Variants in RASGRF2 observed in about 807,000 individuals in gnomAD.
RASGRF2 encodes the protein Ras protein specific guanine nucleotide releasing factor 2.
In RASGRF2, 76 loss-of-function variants were observed where a neutral mutation model predicts 151.0. The ratio of observed to expected loss-of-function variants is 0.50; its 90% CI spans 0.42 to 0.61. The LOEUF (loss-of-function observed/expected upper bound fraction) is 0.61. Among genes scored for constraint, RASGRF2 ranks in the 20% least tolerant of loss-of-function variants. The probability of loss-of-function intolerance (pLI) is 0.00; values close to 1 mark genes in which losing one functional copy is unlikely to be tolerated. For missense variants in RASGRF2, 1,148 were observed against 1,564.6 expected, an observed-to-expected ratio of 0.73 and a Z score of 4.49; for synonymous variants, 504 against 566.5, an observed-to-expected ratio of 0.89 and a Z score of 1.57.
chr5:81,071,706 T>TTA (rs961789665), intron 4 of RASGRF2, among the ~76,000 whole-genome samples: 1 of 151,942 alleles, frequency 6.6e-6, no homozygotes, highest in Non-Finnish European at 1.5e-5. Flanking sequence ...TTAGTTTTTT[T>TTA]AAAAAAAATC....
At position 81,217,371 on chromosome 5, in the gene RASGRF2, A is replaced by C; in HGVS notation, c.3450A>C (p.Ala1150=). The change falls in exon 25 of 27, where the codon GCA becomes GCC. Residue 1150 remains alanine (A), a synonymous_variant. Coordinates refer to ENST00000265080, the MANE Select transcript of RASGRF2 (RefSeq NM_006909.3). ...GGTCTTGCAGTTGTAACCCTCCTGC[A>C]GTTCCTTATCTTGGGATGTACTTGA... ...RETLKNCNPP[A]VPYLGMYLTD... 3 of 1,611,200 alleles carry C rather than the reference A, an allele frequency of 1.9e-6. No individual in the cohort carries two copies. Among genetic ancestry groups the C allele is most frequent in the Non-Finnish European group, 2.5e-6 (3 of 1,179,176 alleles).
At chr5:81,043,329 C>T (rs1561574213) in intron 2 of RASGRF2, among the ~76,000 whole-genome samples, 2 of 152,138 alleles carry the variant, frequency 1.3e-5, no homozygotes, top group African/African-American at 4.8e-5. Flanking sequence ...TATAATTCCC[C>T]CTGTCTGCAG....
chr5:81,045,245 A>G (rs906454588), intron 2 of RASGRF2, among the ~76,000 whole-genome samples: 1 of 152,212 alleles, frequency 6.6e-6, no homozygotes, highest in Non-Finnish European at 1.5e-5. Flanking sequence ...GTTAAAATAC[A>G]TAATTTAAAA....
intron 17 of RASGRF2, among the ~76,000 whole-genome samples, chr5:81,130,789 C>A (rs1013885102): frequency 2.0e-5 from 3 of 152,038 alleles, no homozygotes; most frequent in African/African-American, 7.2e-5. Context: ...CAAATAAACA[C>A]CCCATGCTTT....
intron 1 of RASGRF2, among the ~76,000 whole-genome samples, chr5:81,034,635 T>TC: frequency 6.6e-6 from 1 of 151,722 alleles, no homozygotes; most frequent in South Asian, 2.1e-4. Context: ...AATGATGAGT[T>TC]CATGTCCTTT....
At position 81,113,843 on chromosome 5, in the gene RASGRF2, G is replaced by A; in HGVS notation, c.2393G>A (p.Ser798Asn). Reference protein sequence around the residue: ...LSRGLSSPEQSPGTVEENVDN... With the variant: ...LSRGLSSPEQNPGTVEENVDN... ...AGAGGCCTCTCTTCTCCAGAGCAAAGCCCGGGAACGGTAGAAGAGAATGTC... is the reference window on the plus strand; with the variant it reads ...AGAGGCCTCTCTTCTCCAGAGCAAAACCCGGGAACGGTAGAAGAGAATGTC... The change falls in exon 15 of 27, where the codon AGC becomes AAC. Residue 798 changes from serine to asparagine, a missense_variant. Coordinates refer to ENST00000265080, the MANE Select transcript of RASGRF2 (RefSeq NM_006909.3). The A allele has an allele frequency of 6.2e-7, 1 of 1,614,234 alleles. No homozygotes were observed. Among genetic ancestry groups the A allele is most frequent in the Non-Finnish European group, 8.5e-7 (1 of 1,180,036 alleles).
At chr5:81,217,541 T>A (rs2112744352) in intron 25 of RASGRF2, 68 bp downstream of exon 25, 1 of 810,964 alleles carries the variant, frequency 1.2e-6, no homozygotes, top group Non-Finnish European at 1.7e-6. Context: ...GGCTAAGTAA[T>A]AAAAGTCAAT....
chr5:81,040,008 T>G (rs920615518), intron 1 of RASGRF2, among the ~76,000 whole-genome samples: 1 of 152,182 alleles, frequency 6.6e-6, no homozygotes, highest in Non-Finnish European at 1.5e-5. Flanking sequence ...TTTTGTTTGT[T>G]TGTTTTGAGA....
chr5:80,978,165 A>G (rs988813825), intron 1 of RASGRF2, among the ~76,000 whole-genome samples: 9 of 152,204 alleles, frequency 5.9e-5, no homozygotes, highest in African/African-American at 2.2e-4. Flanking sequence ...ACATAGCTAA[A>G]TTGATATTTA....
At chr5:81,014,452 G>C (rs1239554115) in intron 1 of RASGRF2, among the ~76,000 whole-genome samples, 1 of 152,156 alleles carries the variant, frequency 6.6e-6, no homozygotes, top group Non-Finnish European at 1.5e-5. Context: ...AAAACCATCA[G>C]ATCTCGCGAA....
intron 6 of RASGRF2, 128 bp from the exon 7 acceptor site, chr5:81,080,468 G>A (rs953619750): frequency 9.1e-6 from 10 of 1,099,460 alleles, no homozygotes; most frequent in Non-Finnish European, 1.0e-5. Context: ...TCATCATTCA[G>A]GCATCAGGGT....
intron 18 of RASGRF2, among the ~76,000 whole-genome samples, chr5:81,198,043 C>A (rs1339877214): frequency 6.6e-6 from 1 of 152,056 alleles, no homozygotes. Flanking sequence ...TCTAGAATCC[C>A]TCAGAAATCA....
At chr5:81,093,108 A>G (rs771924769) in intron 10 of RASGRF2, 147 bp downstream of exon 10, 8 of 822,716 alleles carry the variant, frequency 9.7e-6, no homozygotes, top group Non-Finnish European at 1.1e-5. Context: ...ACTGTTACCA[A>G]CTCTGCCATT....
chr5:80,961,052 C>A, intron 1 of RASGRF2, 26 bp downstream of exon 1: 1 of 1,425,820 alleles, frequency 7.0e-7, no homozygotes, highest in South Asian at 1.5e-5. Context: ...TCTCCGCGGT[C>A]TCCCAGCCTT....
chr5:81,108,842 G>C (rs894319503), intron 12 of RASGRF2, among the ~76,000 whole-genome samples, 154 bp from the exon 13 acceptor site: 1 of 106,200 alleles, frequency 9.4e-6, no homozygotes, highest in Admixed American at 8.9e-5. Context: ...CTCTGTGTGT[G>C]TGTGTGTGTG....
Position 81,113,934 on chromosome 5 carries a change from C to CA in RASGRF2, c.2470+15dup. ...GTATTCAAAAAGGTATTATCTAGCA[C>CA]ATTTGCATAATTACACCCCACATTT... is the stretch of plus-strand genomic sequence containing the variant. On this transcript the variant is annotated intron_variant, in intron 15 of 26. Coordinates refer to ENST00000265080, the MANE Select transcript of RASGRF2 (RefSeq NM_006909.3). 1 of 1,601,698 alleles carries CA rather than the reference C, an allele frequency of 6.2e-7. No homozygotes were observed. The highest frequency in any genetic ancestry group is 2.2e-5 in the East Asian group (1 of 44,700).
At chr5:81,106,685 TAGAG>T (rs1475452354) in intron 12 of RASGRF2, among the ~76,000 whole-genome samples, 1 of 152,126 alleles carries the variant, frequency 6.6e-6, no homozygotes, top group Non-Finnish European at 1.5e-5. Context: ...AACTTTCCCA[TAGAG>T]AGGTAGTGTG....
chr5:80,966,049 C>G (rs1747711415), intron 1 of RASGRF2, among the ~76,000 whole-genome samples: 1 of 150,726 alleles, frequency 6.6e-6, no homozygotes, highest in African/African-American at 2.4e-5. Flanking sequence ...ATTTTTATAC[C>G]TATTTATTTG....
chr5:81,064,852 T>C (rs1471564559), intron 2 of RASGRF2, among the ~76,000 whole-genome samples: 1 of 152,202 alleles, frequency 6.6e-6, no homozygotes, highest in Non-Finnish European at 1.5e-5. Context: ...GATTAGGTTA[T>C]GTTATATGGC....
Sources: allele counts gnomAD v4.1 joint callset (sites outside exome capture counted in the v4.1 genomes callset), GRCh38; gene constraint gnomAD v4.1.1; transcripts MANE v1.5; gene names NCBI Gene and HGNC (gene_info 2026-07-23, HGNC 2026-07-21).